The following PARD3B variants were observed in gnomAD, a reference collection of about 807,000 sequenced individuals.
PARD3B encodes the protein partitioning defective 3 homolog B.
In PARD3B, 103 loss-of-function variants were observed where a neutral mutation model predicts 130.2. The observed-to-expected ratio is 0.79, with a 90% CI of 0.67 to 0.93. The LOEUF (loss-of-function observed/expected upper bound fraction) is 0.93. PARD3B is among the 40% of genes least tolerant of loss of function. The pLI is 0.00. For missense variants in PARD3B, 1,609 were observed against 1,499.2 expected (o/e 1.07, Z -1.21); for synonymous variants, 583 against 553.2 (o/e 1.05, Z -0.76).
chr2:204,563,860 A>G (rs146867496), intron 1 of PARD3B, among the ~76,000 whole-genome samples: 2,301 of 151,648 alleles, frequency 0.015, 65 homozygotes, highest in African/African-American at 0.053. Context: ...TGCCAGATCC[A>G]CCTCCCGGGT....
intron 2 of PARD3B, among the ~76,000 whole-genome samples, chr2:204,720,362 A>C: frequency 6.6e-6 from 1 of 152,136 alleles, no homozygotes; most frequent in East Asian, 1.9e-4. Context: ...GGTCTGTACA[A>C]ATTTAAACAG....
chr2:204,992,515 G>T (rs1693806371), intron 3 of PARD3B, among the ~76,000 whole-genome samples: 2 of 148,030 alleles, frequency 1.4e-5, no homozygotes, highest in South Asian at 2.2e-4. Flanking sequence ...GTAGTGTGAT[G>T]CCTCCAGCTT....
intron 20 of PARD3B, among the ~76,000 whole-genome samples, chr2:205,472,805 C>T (rs976175399): frequency 1.3e-5 from 2 of 151,950 alleles, no homozygotes; most frequent in African/African-American, 4.8e-5. Flanking sequence ...CCATTCCAGT[C>T]CTAGGATTCT....
Position 205,367,662 on chromosome 2 carries a change from G to A in PARD3B, c.2631-33351G>A, listed in dbSNP as rs550868449. Among the ~76,000 whole-genome samples, 11 of 152,238 alleles carry A rather than the reference G, an allele frequency of 7.2e-5. No individual in the cohort carries two copies. The South Asian group carries it at 1.9e-3, about 26-fold the overall frequency. ...AAATGGCCAATCAGTAAACATCTCAGAGGCCAAAACCACCTTGGCCTCCAG... is the reference window on the plus strand; with the variant it reads ...AAATGGCCAATCAGTAAACATCTCAAAGGCCAAAACCACCTTGGCCTCCAG... On this transcript the variant is annotated intron_variant, in intron 18 of 22. Coordinates refer to ENST00000406610, the MANE Select transcript of PARD3B (RefSeq NM_001302769.2).
At chr2:204,592,942 G>A (rs776252477) in intron 1 of PARD3B, among the ~76,000 whole-genome samples, 7 of 152,176 alleles carry the variant, frequency 4.6e-5, no homozygotes, top group Non-Finnish European at 8.8e-5. Context: ...CAACCATGTT[G>A]TAGCATGTGT....
intron 15 of PARD3B, among the ~76,000 whole-genome samples, chr2:205,197,139 A>G (rs888960580): frequency 6.6e-6 from 1 of 151,850 alleles, no homozygotes; most frequent in African/African-American, 2.4e-5. Context: ...TGATGGAAAC[A>G]TTTGATCAAG....
intron 21 of PARD3B, among the ~76,000 whole-genome samples, chr2:205,517,572 A>G (rs2192935): frequency 0.41 from 62,727 of 151,788 alleles, 13,474 homozygotes; most frequent in Admixed American, 0.52. Flanking sequence ...TTCATGTCTC[A>G]ATTTCCTTCA....
At chr2:205,329,676 A>C (rs2043045756) in intron 18 of PARD3B, among the ~76,000 whole-genome samples, 1 of 152,186 alleles carries the variant, frequency 6.6e-6, no homozygotes, top group Non-Finnish European at 1.5e-5. Flanking sequence ...GCATCCTCAG[A>C]AGATTGAGGA....
intron 2 of PARD3B, among the ~76,000 whole-genome samples, chr2:204,915,254 T>C (rs1575293381): frequency 6.6e-6 from 1 of 152,172 alleles, no homozygotes; most frequent in East Asian, 1.9e-4. Flanking sequence ...AGCACTTTCT[T>C]CTTGTCAAAG....
rs1331466908 is a variant in PARD3B, at chr2:205,091,495, G to T, written c.505-12931G>T. On this transcript the variant is annotated intron_variant, in intron 4 of 22. Transcript: ENST00000406610. This position sits in a 1 kb window ranked among gnomAD's most constrained non-coding sequence, Gnocchi z 4.2. ...ACATTCACTCAGGCTTGTTGTTGTT[G>T]TTTCTAGCAACCACCACCTCTCCTA... 1.3e-5 allele frequency among the ~76,000 whole-genome samples: 2 copies of T among 152,100 alleles called. No individual in the cohort carries two copies. The highest frequency in any genetic ancestry group is 2.9e-5 in the Non-Finnish European group (2 of 68,016).
chr2:205,243,274 T>C (rs570870687), intron 15 of PARD3B, among the ~76,000 whole-genome samples: 21 of 152,360 alleles, frequency 1.4e-4, no homozygotes, highest in African/African-American at 5.0e-4. Flanking sequence ...TTGTTTCTCA[T>C]TAATGATGAT....
chr2:204,837,064 A>G (rs2044063660), intron 2 of PARD3B, among the ~76,000 whole-genome samples: 1 of 152,212 alleles, frequency 6.6e-6, no homozygotes, highest in Non-Finnish European at 1.5e-5. Context: ...CACCTTCGGT[A>G]ACATGAGGCG....
At chr2:205,164,074 T>G (rs2034662663) in intron 11 of PARD3B, among the ~76,000 whole-genome samples, 1 of 152,204 alleles carries the variant, frequency 6.6e-6, no homozygotes, top group African/African-American at 2.4e-5. Flanking sequence ...TTTAAGGACT[T>G]TAAAAGCAGG....
chr2:205,610,299 T>A (rs545876484), intron 22 of PARD3B, among the ~76,000 whole-genome samples: 15 of 152,314 alleles, frequency 9.8e-5, no homozygotes, highest in Non-Finnish European at 1.5e-4. Flanking sequence ...CTTGTAACTA[T>A]GGTCATCACA....
chr2:204,877,405 TAAAAAA>T, intron 2 of PARD3B, among the ~76,000 whole-genome samples: 1 of 151,662 alleles, frequency 6.6e-6, no homozygotes, highest in South Asian at 2.1e-4. Flanking sequence ...ATAAAAAAAT[TAAAAAA>T]AAGAAAATAC....
intron 3 of PARD3B, among the ~76,000 whole-genome samples, chr2:205,027,372 T>G (rs575945537): frequency 1.3e-5 from 2 of 152,312 alleles, no homozygotes; most frequent in South Asian, 4.1e-4. Context: ...TTGAAAAAAA[T>G]GTCTATTCAT....
intron 3 of PARD3B, among the ~76,000 whole-genome samples, chr2:205,034,645 G>A (rs1479836720): frequency 6.6e-6 from 1 of 151,952 alleles, no homozygotes; most frequent in Non-Finnish European, 1.5e-5. Context: ...ACAAAACTTG[G>A]GGGGATTGCT....
At chr2:204,809,664 T>G (rs1221684631) in intron 2 of PARD3B, among the ~76,000 whole-genome samples, 1 of 152,184 alleles carries the variant, frequency 6.6e-6, no homozygotes, top group Admixed American at 6.5e-5. Context: ...TAGTTTGAAG[T>G]CAGGTAATGT....
At chr2:204,789,263 T>A (rs1313489421) in intron 2 of PARD3B, among the ~76,000 whole-genome samples, 1 of 152,116 alleles carries the variant, frequency 6.6e-6, no homozygotes, top group Admixed American at 6.6e-5. Flanking sequence ...GGGGTCTCAT[T>A]TGGTCTCGAA....
Sources: allele counts gnomAD v4.1 joint callset (sites outside exome capture counted in the v4.1 genomes callset), GRCh38; gene constraint gnomAD v4.1.1; non-coding constraint Gnocchi (gnomAD v3.1); transcripts MANE v1.5; gene names NCBI Gene and HGNC (gene_info 2026-07-23, HGNC 2026-07-21).